Variants in PNPLA7 observed in about 807,000 individuals in gnomAD.
PNPLA7 encodes the protein patatin like domain 7, lysophospholipase, also known as patatin-like phospholipase domain-containing protein 7.
PNPLA7 carries 153 observed loss-of-function variants against 161.7 expected under a neutral mutation model. The ratio of observed to expected loss-of-function variants is 0.95; its 90% CI spans 0.83 to 1.08. The LOEUF (loss-of-function observed/expected upper bound fraction) is 1.08, where lower values mean the gene tolerates loss of function less well. Among genes scored for constraint, PNPLA7 ranks in the 50% least tolerant of loss-of-function variants. PNPLA7 has a pLI of 0.00. For missense variants in PNPLA7, 1,739 were observed against 1,856.6 expected (o/e 0.94, Z 1.16); for synonymous variants, 809 against 782.1 (o/e 1.03, Z -0.57).
At chr9:137,529,091 A>G (rs557099614) in intron 8 of PNPLA7, among the ~76,000 whole-genome samples, 105 of 152,288 alleles carry the variant, frequency 6.9e-4, no homozygotes, top group African/African-American at 2.4e-3. Flanking sequence ...TCAGCTTCCC[A>G]GGCTCAAGCA....
At position 137,543,092 on chromosome 9, in the gene PNPLA7, G is replaced by C. The variant is rs1836297880; in HGVS notation, c.507-291C>G. ...GCCTCCAGGATGGTGAGCTGGGCCA[G>C]GGAGCGGAAGGGGTGCAGTCCAGGG... On this transcript the variant is annotated intron_variant, in intron 6 of 34. Transcript: ENST00000406427. The surrounding 1 kb of genome is among the most constrained non-coding windows in gnomAD (Gnocchi z 6.9). Among the ~76,000 whole-genome samples, 1 of 152,162 alleles carries C rather than the reference G, an allele frequency of 6.6e-6. No homozygotes were observed. Among genetic ancestry groups the C allele is most frequent in the Admixed American group, 6.5e-5 (1 of 15,282 alleles).
chr9:137,496,458 T>G (rs1833063728), intron 18 of PNPLA7, among the ~76,000 whole-genome samples: 1 of 152,058 alleles, frequency 6.6e-6, no homozygotes. Flanking sequence ...ACGTCTGTAA[T>G]CCTAATACTT....
chr9:137,466,525 C>A (rs1382000822), intron 26 of PNPLA7, among the ~76,000 whole-genome samples: 1 of 150,678 alleles, frequency 6.6e-6, no homozygotes, highest in Non-Finnish European at 1.5e-5. Flanking sequence ...ACAGATCAGA[C>A]CACCTCCCAC....
In PNPLA7 at chr9:137,479,228, A is replaced by G. The variant is rs756106857; in HGVS notation, c.2591T>C (p.Met864Thr). Reference sequence around the variant, plus strand: ...GGCACGCACAGCTGTGCTCTCCAGCATCCGCTCCAGCTGAAAGGCAGAGCC... The same window carrying G: ...GGCACGCACAGCTGTGCTCTCCAGCGTCCGCTCCAGCTGAAAGGCAGAGCC... ...QEPTVGELER[M>T]LESTAVRAQK... The change falls in exon 24 of 35, where the codon ATG (methionine) becomes ACG (threonine). Residue 864 changes from methionine (M) to threonine (T), a missense_variant. This residue lies in a region of PNPLA7 where 703 missense variants were observed against 694.6 expected (regional missense o/e 1.01). Transcript: ENST00000406427. 16 of 1,538,530 alleles carry G rather than the reference A, an allele frequency of 1.0e-5. No homozygotes were observed. The East Asian group carries it at 3.7e-4, about 35-fold the overall frequency.
chr9:137,500,836 T>C lies in PNPLA7; in HGVS notation c.1612A>G (p.Ser538Gly), dbSNP rs1338212986. Residue 538 changes from serine to glycine, a missense_variant, in exon 16 of 35, where the codon AGC becomes GGC. Ser to Gly is a moderately conservative substitution (Grantham distance 56). Around this residue, in one of 6 missense-constraint regions of PNPLA7, gnomAD observed 481 missense variants for 450.0 expected, o/e 1.07. Transcript: ENST00000406427. This position sits in a 1 kb window ranked among gnomAD's most constrained non-coding sequence, Gnocchi z 5.5. ...AGGAACAAGCAGGTGTCCTCCTGGC[T>C]GCCGATCTTCCGCTGGTACACGTGC... ...LLHVYQRKIGSQEDTCLFLTR... is the reference protein window; with the variant it reads ...LLHVYQRKIGGQEDTCLFLTR... 6.2e-7 allele frequency: 1 copy of C among 1,601,302 alleles called. No homozygotes were observed. Among genetic ancestry groups the C allele is most frequent in the Non-Finnish European group, 8.5e-7 (1 of 1,175,740 alleles).
At position 137,479,162 on chromosome 9, in the gene PNPLA7, G is replaced by A. The variant is rs61747523; in HGVS notation, c.2657C>T (p.Ala886Val). The A allele has an allele frequency of 2.3e-4, 363 of 1,572,358 alleles. No homozygotes were observed. The African/African-American group carries it at 4.1e-3, about 18-fold the overall frequency. The change falls in exon 24 of 35, where the codon GCG (alanine) becomes GTG (valine). Residue 886 changes from alanine to valine, a missense_variant. This residue lies in a region of PNPLA7 where 703 missense variants were observed against 694.6 expected (regional missense o/e 1.01). Transcript: ENST00000406427. ...LILLHREEGP[A>V]PARTVEWLNM... ...GAGCCACTCCACGGTGCGCGCTGGCGCCGGGCCCTCCTCCCTGTGCAGCAG... is the reference window on the plus strand; with the variant it reads ...GAGCCACTCCACGGTGCGCGCTGGCACCGGGCCCTCCTCCCTGTGCAGCAG...
Position 137,520,759 on chromosome 9 carries a change from G to A in PNPLA7, c.958-716C>T, listed in dbSNP as rs1834941884. On this transcript the variant is annotated intron_variant, in intron 10 of 34. Coordinates refer to ENST00000406427, the MANE Select transcript of PNPLA7 (RefSeq NM_001098537.3). The surrounding 1 kb of genome is among the most constrained non-coding windows in gnomAD (Gnocchi z 5.2). ...GCCTCCCAGGGTCACACCGCCAGGA[G>A]GAGGGAGAGCCGGGGTTGACAGCCT... Among the ~76,000 whole-genome samples the A allele has an allele frequency of 6.6e-6, 1 of 152,222 alleles. No individual in the cohort carries two copies. The highest frequency in any genetic ancestry group is 2.1e-4 in the South Asian group (1 of 4,836).
chr9:137,519,837 C>G, intron 11 of PNPLA7, 80 bp downstream of exon 11: 2 of 1,534,208 alleles, frequency 1.3e-6, no homozygotes, highest in Admixed American at 1.9e-5. Context: ...GCAAGATGAC[C>G]TGGGGTGACC....
At position 137,463,531 on chromosome 9, in the gene PNPLA7, C is replaced by A. The variant is rs772790594; in HGVS notation, c.3227G>T (p.Gly1076Val). 7 of 1,575,676 alleles carry A rather than the reference C, an allele frequency of 4.4e-6. No homozygotes were observed. The change falls in exon 29 of 35, where the codon GGC becomes GTC. Residue 1076 changes from glycine to valine, a missense_variant and splice_region_variant. Around this residue, in one of 6 missense-constraint regions of PNPLA7, gnomAD observed 703 missense variants for 694.6 expected, o/e 1.01. Coordinates refer to ENST00000406427, the MANE Select transcript of PNPLA7 (RefSeq NM_001098537.3). Reference protein sequence around the residue: ...TASAMRVHTDGSLWWYVRASM... With the variant: ...TASAMRVHTDVSLWWYVRASM... ...GGCACGCACGTACCACCACAGGGAG[C>A]CTGGGGAGGGGGCCCGGAGCTGCTG...
In PNPLA7 at chr9:137,509,273, A is replaced by G. The variant is rs149953290; in HGVS notation, c.1226-3190T>C. 1,322 of 156,436 alleles carry G rather than the reference A, an allele frequency of 8.5e-3. 15 individuals carry two copies. Among genetic ancestry groups the G allele is most frequent in the African/African-American group, 0.03 (1,252 of 41,384 alleles). The allele number at this position is 156,436 out of a possible 1,614,324, so 9.7% of individuals were successfully genotyped here. On this transcript the variant is annotated intron_variant, in intron 12 of 34. Coordinates refer to ENST00000406427, the MANE Select transcript of PNPLA7 (RefSeq NM_001098537.3). The stretch of plus-strand genomic sequence containing the variant: ...GCTGGCATGAGTGAGTTTAGCTGGC[A>G]TGAGTGAGTTTAGCTGGTACAAGTG...
chr9:137,515,415 G>A lies in PNPLA7; in HGVS notation c.1189C>T (p.Pro397Ser), dbSNP rs1834478325. 6.2e-7 allele frequency: 1 copy of A among 1,603,996 alleles called. No individual in the cohort carries two copies. Among genetic ancestry groups the A allele is most frequent in the Admixed American group, 1.7e-5 (1 of 58,694 alleles). ...GAAGGGTCAGGGTCACCTGCCCCGG[G>A]CTTCTCCAGCTCCTCCAAGATCTGT... ...RKQILEELEKPGAGDPDPSAP... is the reference protein window; with the variant it reads ...RKQILEELEKSGAGDPDPSAP... The change falls in exon 12 of 35, where the codon CCC (proline) becomes TCC (serine). Residue 397 changes from proline (P) to serine (S), a missense_variant. By Grantham distance (74) the Pro-to-Ser change is moderately conservative. This residue lies in a region of PNPLA7 where 481 missense variants were observed against 450.0 expected (regional missense o/e 1.07). Transcript: ENST00000406427.
chr9:137,505,805 G>T, intron 13 of PNPLA7, 45 bp from the exon 14 acceptor site: 2 of 1,607,832 alleles, frequency 1.2e-6, no homozygotes, highest in Non-Finnish European at 1.7e-6. Context: ...GATGTGGTTG[G>T]GGAACATCGC....
At position 137,543,047 on chromosome 9, in the gene PNPLA7, A is replaced by G. The variant is rs7044693; in HGVS notation, c.507-246T>C. On this transcript the variant is annotated intron_variant, in intron 6 of 34. Coordinates refer to ENST00000406427, the MANE Select transcript of PNPLA7 (RefSeq NM_001098537.3). This position sits in a 1 kb window ranked among gnomAD's most constrained non-coding sequence, Gnocchi z 6.9. ...ACCCGTGAACCTGAGCCACACACAC[A>G]CGGGAGGAAGGCAAAGGTGGCCTCC... Among the ~76,000 whole-genome samples, 1,677 of 152,214 alleles carry G rather than the reference A, an allele frequency of 0.011. 34 individuals are homozygous for G. Among genetic ancestry groups the G allele is most frequent in the African/African-American group, 0.038 (1,588 of 41,522 alleles).
chr9:137,464,966 C>CTTGG (rs139500164), intron 26 of PNPLA7: 1 of 161,954 alleles, frequency 6.2e-6, no homozygotes, highest in African/African-American at 2.4e-5. Context: ...GCCGGGCTCT[C>CTTGG]TTGGGTTCCT....
At chr9:137,548,259 C>T (rs1313576171) in intron 1 of PNPLA7, among the ~76,000 whole-genome samples, 1 of 152,104 alleles carries the variant, frequency 6.6e-6, no homozygotes, top group Non-Finnish European at 1.5e-5. Flanking sequence ...AACGAGAAGA[C>T]GAGAAGACGA....
chr9:137,513,107 G>C (rs1409887157), intron 12 of PNPLA7, among the ~76,000 whole-genome samples: 1 of 152,156 alleles, frequency 6.6e-6, no homozygotes, highest in Non-Finnish European at 1.5e-5. Flanking sequence ...AAAGAGTAAG[G>C]AAAAGATGAA....
intron 8 of PNPLA7, among the ~76,000 whole-genome samples, chr9:137,539,610 A>G (rs771003023): frequency 9.9e-5 from 15 of 152,270 alleles, no homozygotes; most frequent in Middle Eastern, 3.4e-3. Context: ...CGGAGGTTGC[A>G]ATGAGCAAAG....
In PNPLA7 at chr9:137,515,450, G is replaced by T. The variant is rs1834480613; in HGVS notation, c.1154C>A (p.Ser385Tyr). Residue 385 changes from serine (S) to tyrosine (Y), a missense_variant, in exon 12 of 35, where the codon TCC becomes TAC. Transcript: ENST00000406427. ...LKRSHSVPAP[S>Y]IRKQILEELE... ...CTCCTCCAAGATCTGTTTGCGAATG[G>T]AAGGCGCGGGGACGGAGTGGCTCCT... is the stretch of plus-strand genomic sequence containing the variant. 3.1e-6 allele frequency: 5 copies of T among 1,596,808 alleles called. No individual in the cohort carries two copies. The highest frequency in any genetic ancestry group is 4.3e-6 in the Non-Finnish European group (5 of 1,173,122).
intron 20 of PNPLA7, chr9:137,491,576 G>C: frequency 1.0e-6 from 1 of 985,412 alleles, no homozygotes; most frequent in Non-Finnish European, 1.2e-6. Context: ...GTTACATTAC[G>C]TGTTAGTGTC....
Sources: gnomAD v4.1 joint callset for allele counts (sites outside exome capture counted in the v4.1 genomes callset) on GRCh38, gnomAD v4.1.1 for gene constraint, gnomAD v4.1.1 regional missense constraint, Gnocchi (gnomAD v3.1) non-coding constraint, MANE v1.5 for transcripts, NCBI Gene and HGNC (gene_info 2026-07-23, HGNC 2026-07-21) for gene names.